NRG3: variants seen among roughly 807,000 people sequenced by gnomAD.
NRG3 encodes neuregulin 3.
In NRG3, 31 loss-of-function variants were observed where a neutral mutation model predicts 66.9. The observed-to-expected ratio is 0.46, with a 90% CI of 0.35 to 0.63. NRG3 has a LOEUF of 0.63. Among genes scored for constraint, NRG3 ranks in the 20% least tolerant of loss-of-function variants. The pLI is 0.00. For missense variants in NRG3, 910 were observed against 878.9 expected (o/e 1.04, Z -0.45); for synonymous variants, 393 against 359.4 (o/e 1.09, Z -1.06).
intron 1 of NRG3, among the ~76,000 whole-genome samples, chr10:82,005,184 C>A (rs1377658871): frequency 6.6e-6 from 1 of 152,168 alleles, no homozygotes; most frequent in African/African-American, 2.4e-5. Context: ...TTGGCAAAAG[C>A]CTTGGTGGCA....
At chr10:82,153,819 G>A (rs1020320034) in intron 1 of NRG3, among the ~76,000 whole-genome samples, 8 of 151,882 alleles carry the variant, frequency 5.3e-5, no homozygotes, top group Non-Finnish European at 1.0e-4. Flanking sequence ...ATTAGAGATG[G>A]TGAACTTTTT....
intron 3 of NRG3, among the ~76,000 whole-genome samples, chr10:82,803,108 G>T (rs536505221): frequency 6.6e-4 from 100 of 152,212 alleles, no homozygotes; most frequent in African/African-American, 2.4e-3. Context: ...GAATCTTAAG[G>T]GAGGAATTTT....
intron 4 of NRG3, among the ~76,000 whole-genome samples, chr10:82,910,696 G>A (rs574580282): frequency 3.3e-5 from 5 of 152,336 alleles, no homozygotes; most frequent in Admixed American, 3.3e-4. Flanking sequence ...TTTATGTCAT[G>A]TACTTTCCCC....
Position 81,975,329 on chromosome 10 carries a change from C to CTATG in NRG3, c.823+99169_823+99170insGTAT, listed in dbSNP as rs1370746571. On this transcript the variant is annotated intron_variant, in intron 1 of 8. Transcript: ENST00000372141. Reference sequence around the variant, plus strand: ...AATTGTGTAACATCTATCTATCTATCTATCTATCTATCTATCTATCTATCT... The same window carrying CTATG: ...AATTGTGTAACATCTATCTATCTATCTATGTATCTATCTATCTATCTATCTATCT... Among the ~76,000 whole-genome samples, 3 of 140,168 alleles carry CTATG rather than the reference C, an allele frequency of 2.1e-5. No homozygotes were observed. In the East Asian group the frequency reaches 5.9e-4, roughly 28 times the overall value. The allele number at this position is 140,168 out of a possible 152,430, so 92.0% of individuals were successfully genotyped here.
At chr10:82,063,584 C>T (rs2064283289) in intron 1 of NRG3, among the ~76,000 whole-genome samples, 1 of 150,952 alleles carries the variant, frequency 6.6e-6, no homozygotes, top group African/African-American at 2.4e-5. Flanking sequence ...ACCCATCAGC[C>T]CTTGTGTCTT....
chr10:82,237,923 T>C (rs2076832226), intron 1 of NRG3, among the ~76,000 whole-genome samples: 2 of 152,278 alleles, frequency 1.3e-5, no homozygotes, highest in Non-Finnish European at 2.9e-5. Flanking sequence ...CTCTTTGAGG[T>C]TTAGTGCACA....
At chr10:82,246,370 G>A (rs1663963959) in intron 1 of NRG3, among the ~76,000 whole-genome samples, 1 of 152,066 alleles carries the variant, frequency 6.6e-6, no homozygotes, top group Non-Finnish European at 1.5e-5. Context: ...ATTTCTTGAG[G>A]GTGTTATAAC....
chr10:82,048,795 A>G (rs2063442243), intron 1 of NRG3, among the ~76,000 whole-genome samples: 1 of 151,580 alleles, frequency 6.6e-6, no homozygotes, highest in Non-Finnish European at 1.5e-5. Flanking sequence ...CCTTCAAAAA[A>G]TTAATGAATC....
intron 2 of NRG3, among the ~76,000 whole-genome samples, chr10:82,628,141 T>A (rs983494281): frequency 6.6e-6 from 1 of 152,212 alleles, no homozygotes; most frequent in African/African-American, 2.4e-5. Context: ...AGTCTCTCAA[T>A]ATCATGGAAT....
At chr10:82,047,861 A>G (rs937999077) in intron 1 of NRG3, among the ~76,000 whole-genome samples, 2 of 152,130 alleles carry the variant, frequency 1.3e-5, no homozygotes, top group Non-Finnish European at 2.9e-5. Flanking sequence ...CCCATCTCAC[A>G]TGCAGAGACG....
At chr10:82,323,151 C>G (rs1051400106) in intron 1 of NRG3, among the ~76,000 whole-genome samples, 4 of 152,166 alleles carry the variant, frequency 2.6e-5, no homozygotes, top group Non-Finnish European at 5.9e-5. Context: ...GACAGTGTTG[C>G]TTATAACCTT....
chr10:81,879,602 A>G (rs1031298320), intron 1 of NRG3, among the ~76,000 whole-genome samples: 1 of 152,212 alleles, frequency 6.6e-6, no homozygotes, highest in Non-Finnish European at 1.5e-5. Flanking sequence ...GTATATGGTT[A>G]ATTATAATGA....
At chr10:82,072,628 T>G (rs1247461668) in intron 1 of NRG3, among the ~76,000 whole-genome samples, 1 of 152,106 alleles carries the variant, frequency 6.6e-6, no homozygotes, top group Non-Finnish European at 1.5e-5. Context: ...CTTTAAAAAT[T>G]TGCTGAAAGT....
intron 2 of NRG3, among the ~76,000 whole-genome samples, chr10:82,477,266 G>A (rs1293703547): frequency 6.6e-6 from 1 of 152,132 alleles, no homozygotes; most frequent in African/African-American, 2.4e-5. Flanking sequence ...GTTAAGGGAG[G>A]AAATGTCAAG....
chr10:82,218,441 T>G (rs1453498660), intron 1 of NRG3, among the ~76,000 whole-genome samples: 1 of 152,194 alleles, frequency 6.6e-6, no homozygotes, highest in South Asian at 2.1e-4. Flanking sequence ...ACTGTTGGGA[T>G]TCAGTTCTGT....
intron 5 of NRG3, among the ~76,000 whole-genome samples, chr10:82,953,854 A>G (rs2132387527): frequency 6.6e-6 from 1 of 151,540 alleles, no homozygotes; most frequent in Non-Finnish European, 1.5e-5. Flanking sequence ...GCTACTCGGG[A>G]GGCTGAGGCA....
chr10:82,455,184 T>C (rs2091213966), intron 2 of NRG3, among the ~76,000 whole-genome samples: 1 of 152,176 alleles, frequency 6.6e-6, no homozygotes, highest in African/African-American at 2.4e-5. Flanking sequence ...TTTCAGATAA[T>C]ATATAGTCAT....
intron 4 of NRG3, among the ~76,000 whole-genome samples, chr10:82,892,591 A>G (rs1843258614): frequency 6.6e-6 from 1 of 152,024 alleles, no homozygotes; most frequent in Admixed American, 6.6e-5. Flanking sequence ...GCTTGAACCT[A>G]GGAGATTGAG....
intron 2 of NRG3, among the ~76,000 whole-genome samples, chr10:82,533,199 G>A (rs1231876814): frequency 2.6e-5 from 4 of 151,134 alleles, no homozygotes; most frequent in Non-Finnish European, 5.9e-5. Context: ...CATGTTTGGG[G>A]GTCTAACATA....
Sources: allele counts gnomAD v4.1 joint callset (sites outside exome capture counted in the v4.1 genomes callset), GRCh38; gene constraint gnomAD v4.1.1; transcripts MANE v1.5; gene names NCBI Gene and HGNC (gene_info 2026-07-23, HGNC 2026-07-21).